The following KCNIP4 variants were observed in gnomAD, a reference collection of about 807,000 sequenced individuals.
KCNIP4 encodes Kv channel-interacting protein 4.
KCNIP4 carries 12 observed loss-of-function variants against 34.0 expected under a neutral mutation model. That is an observed-to-expected ratio of 0.35 (90% CI 0.23 to 0.57). The LOEUF (loss-of-function observed/expected upper bound fraction) is 0.57, where lower values mean the gene tolerates loss of function less well. Ranked by LOEUF, KCNIP4 falls within the 20% of genes least tolerant of loss-of-function variation. The pLI is 0.83. For missense variants in KCNIP4, 238 were observed against 311.7 expected (o/e 0.76, Z 1.78); for synonymous variants, 124 against 102.2 (o/e 1.21, Z -1.29).
At chr4:20,884,843 G>A (rs1725108290) in intron 1 of KCNIP4, among the ~76,000 whole-genome samples, 1 of 151,900 alleles carries the variant, frequency 6.6e-6, no homozygotes, top group Non-Finnish European at 1.5e-5. Flanking sequence ...TGGGATTACA[G>A]GTGCATGCCA....
intron 1 of KCNIP4, among the ~76,000 whole-genome samples, chr4:20,929,524 A>G (rs767099346): frequency 2.1e-4 from 32 of 152,088 alleles, no homozygotes; most frequent in Non-Finnish European, 4.0e-4. Context: ...TAATATTGGA[A>G]GTACTAGCAA....
At chr4:21,898,726 C>T (rs1727543704) in intron 1 of KCNIP4, among the ~76,000 whole-genome samples, 1 of 152,060 alleles carries the variant, frequency 6.6e-6, no homozygotes, top group South Asian at 2.1e-4. Context: ...GCTTGGATGG[C>T]TATGAGAAGA....
intron 1 of KCNIP4, among the ~76,000 whole-genome samples, chr4:21,737,237 G>A (rs1407590469): frequency 1.3e-5 from 2 of 151,992 alleles, no homozygotes; most frequent in Non-Finnish European, 2.9e-5. Context: ...AAAATTTAAT[G>A]TTCTCATCAT....
chr4:21,762,170 T>C (rs1184384648), intron 1 of KCNIP4, among the ~76,000 whole-genome samples: 1 of 152,172 alleles, frequency 6.6e-6, no homozygotes, highest in Non-Finnish European at 1.5e-5. Context: ...AGCCACATTT[T>C]ATAAAGTAAA....
intron 3 of KCNIP4, among the ~76,000 whole-genome samples, chr4:20,775,330 T>C (rs1363755953): frequency 6.6e-6 from 1 of 152,166 alleles, no homozygotes; most frequent in Non-Finnish European, 1.5e-5. Flanking sequence ...TGGATTGCAA[T>C]GTAAATAACT....
intron 1 of KCNIP4, among the ~76,000 whole-genome samples, chr4:21,733,246 T>C (rs919008364): frequency 5.3e-5 from 8 of 152,318 alleles, no homozygotes; most frequent in African/African-American, 1.9e-4. Flanking sequence ...AATTACTGTG[T>C]GGTTTCTATC....
chr4:21,463,553 G>C (rs1357673071), intron 1 of KCNIP4, among the ~76,000 whole-genome samples: 2 of 151,886 alleles, frequency 1.3e-5, no homozygotes, highest in Non-Finnish European at 2.9e-5. Flanking sequence ...ATTTTTCAAG[G>C]TTCAACAATG....
At chr4:21,849,109 G>A (rs962782398) in intron 1 of KCNIP4, 2 of 151,916 alleles carry the variant, frequency 1.3e-5, no homozygotes, top group African/African-American at 2.4e-5. Flanking sequence ...TCTACCTGCC[G>A]GTCTCAGTTC....
intron 1 of KCNIP4, among the ~76,000 whole-genome samples, chr4:21,431,315 G>A (rs1043376734): frequency 6.6e-6 from 1 of 152,036 alleles, no homozygotes; most frequent in African/African-American, 2.4e-5. Flanking sequence ...AGCTTTTCTT[G>A]AGAACATTCC....
chr4:20,954,609 A>C (rs1057415299), intron 1 of KCNIP4, among the ~76,000 whole-genome samples: 4 of 152,224 alleles, frequency 2.6e-5, no homozygotes, highest in Non-Finnish European at 4.4e-5. Context: ...CAAGCGGGTC[A>C]GGCAGCAACT....
intron 1 of KCNIP4, among the ~76,000 whole-genome samples, chr4:21,804,063 A>T (rs1184889471): frequency 6.6e-6 from 1 of 152,250 alleles, no homozygotes; most frequent in Non-Finnish European, 1.5e-5. Context: ...GCTTTGTGTT[A>T]GAAGATTTTG....
intron 1 of KCNIP4, among the ~76,000 whole-genome samples, chr4:21,623,422 T>C (rs1745116867): frequency 6.6e-6 from 1 of 152,216 alleles, no homozygotes; most frequent in Non-Finnish European, 1.5e-5. Context: ...AAAGCTGAGC[T>C]CAATATTTTA....
intron 3 of KCNIP4, among the ~76,000 whole-genome samples, chr4:20,790,870 T>A (rs535277180): frequency 6.6e-6 from 1 of 152,272 alleles, no homozygotes; most frequent in South Asian, 2.1e-4. Context: ...CCATTTGGAT[T>A]ATTTTGTTGC....
In KCNIP4 at chr4:20,938,199, G is replaced by GTT. The variant is rs10715961; in HGVS notation, c.62-55492_62-55491dup. ...TTTTCTCATACACGAAATTTTGCTA[G>GTT]TTTTTTTTTTTTTTTCAGCATCAGT... On this transcript the variant is annotated intron_variant, in intron 1 of 8. Coordinates refer to ENST00000382152, the MANE Select transcript of KCNIP4 (RefSeq NM_025221.6). Among the ~76,000 whole-genome samples, 1,244 of 142,654 alleles carry GTT rather than the reference G, an allele frequency of 8.7e-3. 20 individuals are homozygous for GTT. Among genetic ancestry groups the GTT allele is most frequent in the African/African-American group, 0.03 (1,149 of 38,706 alleles). The allele number at this position is 142,654 out of a possible 152,430, so 93.6% of individuals were successfully genotyped here.
intron 1 of KCNIP4, among the ~76,000 whole-genome samples, chr4:21,523,049 G>A (rs549178286): frequency 6.6e-6 from 1 of 151,826 alleles, no homozygotes; most frequent in African/African-American, 2.4e-5. Context: ...AAAAAGGGGG[G>A]GACACTATTC....
intron 1 of KCNIP4, among the ~76,000 whole-genome samples, chr4:21,627,268 A>G (rs575625892): frequency 3.3e-5 from 5 of 152,146 alleles, no homozygotes; most frequent in Non-Finnish European, 7.4e-5. Context: ...TCTTGGTTAT[A>G]AACCATGGTT....
intron 1 of KCNIP4, among the ~76,000 whole-genome samples, chr4:21,646,463 T>A (rs1196429811): frequency 1.3e-5 from 2 of 152,224 alleles, no homozygotes; most frequent in Non-Finnish European, 2.9e-5. Flanking sequence ...TTTCTGTCCA[T>A]ACTAATATAA....
intron 1 of KCNIP4, among the ~76,000 whole-genome samples, chr4:21,234,848 A>G (rs1238912468): frequency 6.6e-6 from 1 of 151,720 alleles, no homozygotes; most frequent in Non-Finnish European, 1.5e-5. Context: ...GGGTTTTATC[A>G]TGTTGTCCAG....
chr4:20,826,628 AAG>A (rs1717796695), intron 3 of KCNIP4, among the ~76,000 whole-genome samples: 2 of 152,044 alleles, frequency 1.3e-5, no homozygotes, highest in Non-Finnish European at 2.9e-5. Flanking sequence ...AAAAATACAA[AAG>A]AGAGAGTGAT....
Sources: allele counts gnomAD v4.1 joint callset (sites outside exome capture counted in the v4.1 genomes callset), GRCh38; gene constraint gnomAD v4.1.1; transcripts MANE v1.5; gene names NCBI Gene and HGNC (gene_info 2026-07-23, HGNC 2026-07-21).